The following SPINK5 variants were observed in gnomAD, a reference collection of about 807,000 sequenced individuals.
The protein encoded by SPINK5 is serine peptidase inhibitor Kazal type 5.
SPINK5 carries 125 observed loss-of-function variants against 151.8 expected under a neutral mutation model. The observed-to-expected ratio is 0.82, with a 90% CI of 0.71 to 0.96. SPINK5 has a LOEUF of 0.96. Ranked by LOEUF, SPINK5 falls within the 40% of genes least tolerant of loss-of-function variation. The probability of loss-of-function intolerance (pLI) is 0.00; values close to 1 mark genes in which losing one functional copy is unlikely to be tolerated. For synonymous variants in SPINK5, 374 were observed against 395.3 expected, an observed-to-expected ratio of 0.95 and a Z score of 0.64; for missense variants, 1,194 against 1,291.9, an observed-to-expected ratio of 0.92 and a Z score of 1.16.
chr5:148,090,845 G>T, intron 7 of SPINK5: 1 of 296,382 alleles, frequency 3.4e-6, no homozygotes, highest in East Asian at 6.9e-5. Flanking sequence ...GTCAATCAAG[G>T]TGTCACACCC....
rs1753512802 is a variant in SPINK5 at position 148,097,914 on chromosome 5, C to G, written c.930C>G (p.Phe310Leu). 2 of 1,612,294 alleles carry G rather than the reference C, an allele frequency of 1.2e-6. No homozygotes were observed. The highest frequency in any genetic ancestry group is 1.7e-6 in the Non-Finnish European group (2 of 1,178,774). Residue 310 changes from phenylalanine to leucine, a missense_variant, in exon 11 of 33, where the codon TTC becomes TTG. Phe to Leu is a conservative substitution (Grantham distance 22). Transcript: ENST00000256084. ...ATCAGGCAAAGAATGGAATACTTTTCTGTACCAGAGAAAATGACCCTATTC... is the reference window on the plus strand; with the variant it reads ...ATCAGGCAAAGAATGGAATACTTTTGTGTACCAGAGAAAATGACCCTATTC... ...YQNQAKNGIL[F>L]CTRENDPIRG...
At position 148,120,043 on chromosome 5, in the gene SPINK5, A is replaced by C; in HGVS notation, c.2348A>C (p.Asn783Thr). 6.2e-7 allele frequency: 1 copy of C among 1,614,062 alleles called. No homozygotes were observed. Among genetic ancestry groups the C allele is most frequent in the Non-Finnish European group, 8.5e-7 (1 of 1,179,906 alleles). The change falls in exon 25 of 33, where the codon AAT becomes ACT. Residue 783 changes from asparagine (N) to threonine (T), a missense_variant. Transcript: ENST00000256084. ...GATGAGTTTAGAAGCCAAATGAAAA[A>C]TGGAAAACTCATCTGCACTCGAGAA... ...TCDEFRSQMK[N>T]GKLICTRESD...
intron 20 of SPINK5, 68 bp from the exon 21 acceptor site, chr5:148,114,294 T>C (rs931533961): frequency 2.6e-6 from 4 of 1,549,694 alleles, no homozygotes; most frequent in Admixed American, 3.4e-5. Context: ...TATAAAGCAC[T>C]TAGTAGGAAC....
At chr5:148,118,627 A>G (rs1754166278) in intron 23 of SPINK5, 63 bp downstream of exon 23, 8 of 1,593,124 alleles carry the variant, frequency 5.0e-6, no homozygotes, top group South Asian at 1.1e-5. Context: ...ATGAATGGCT[A>G]TTTCTCATTT....
chr5:148,068,965 G>T (rs1171471177), intron 2 of SPINK5, among the ~76,000 whole-genome samples: 1 of 151,956 alleles, frequency 6.6e-6, no homozygotes, highest in Non-Finnish European at 1.5e-5. Flanking sequence ...CCTAGATGTG[G>T]TAGCATGCAC....
rs751998226 is a variant in SPINK5 at position 148,133,854 on chromosome 5, C to A, written c.3153C>A (p.Thr1051=). Residue 1051 remains threonine (T), a synonymous_variant, in exon 32 of 33, where the codon ACC becomes ACA. Transcript: ENST00000256084. The stretch of plus-strand genomic sequence containing the variant: ...CAGGGAAGTGTGAGGAGAGCAGCAC[C>A]CCAGGAACCACCGCAGCCAGCATGC... ...RSTGKCEESS[T]PGTTAASMPP... is the part of the protein sequence containing the mutation. 7.4e-6 allele frequency: 12 copies of A among 1,613,734 alleles called. No individual in the cohort carries two copies. The African/African-American group carries it at 1.6e-4, about 22-fold the overall frequency.
intron 7 of SPINK5, among the ~76,000 whole-genome samples, chr5:148,090,291 A>T (rs1030199294): frequency 1.3e-5 from 2 of 151,852 alleles, no homozygotes; most frequent in Non-Finnish European, 2.9e-5. Context: ...CAGGACAGAG[A>T]TTTAACTGAT....
At chr5:148,089,217 G>T in intron 6 of SPINK5, 1 of 528,422 alleles carries the variant, frequency 1.9e-6, no homozygotes, top group Non-Finnish European at 3.6e-6. Context: ...TATCACCTAG[G>T]AGATTGGGAG....
At chr5:148,096,146 G>A (rs971272414) in intron 10 of SPINK5, among the ~76,000 whole-genome samples, 1 of 151,940 alleles carries the variant, frequency 6.6e-6, no homozygotes, top group Non-Finnish European at 1.5e-5. Flanking sequence ...TAATAATGTA[G>A]TTTTGCACTC....
At chr5:148,088,717 C>A (rs1438510217) in intron 6 of SPINK5, 112 bp downstream of exon 6, 2 of 1,102,954 alleles carry the variant, frequency 1.8e-6, no homozygotes, top group Non-Finnish European at 2.7e-6. Context: ...TTAATTCTTG[C>A]TTTATGTGAA....
intron 16 of SPINK5, among the ~76,000 whole-genome samples, chr5:148,105,353 G>A (rs1753753842): frequency 6.6e-6 from 1 of 152,152 alleles, no homozygotes; most frequent in South Asian, 2.1e-4. Flanking sequence ...CAAATAGAGA[G>A]TATAAGATCT....
intron 21 of SPINK5, among the ~76,000 whole-genome samples, chr5:148,115,553 A>G (rs1754063416): frequency 6.6e-6 from 1 of 152,178 alleles, no homozygotes. Flanking sequence ...GTAGGCTAGA[A>G]GGCGAGTGGA....
At chr5:148,073,133 C>T (rs1752785069) in intron 4 of SPINK5, among the ~76,000 whole-genome samples, 1 of 151,940 alleles carries the variant, frequency 6.6e-6, no homozygotes, top group Non-Finnish European at 1.5e-5. Flanking sequence ...AACCACTACT[C>T]ACATCACCCC....
In SPINK5 at chr5:148,123,883, C is replaced by T; in HGVS notation, c.2589C>T (p.Cys863=). The T allele has an allele frequency of 6.2e-7, 1 of 1,614,018 alleles. No homozygotes were observed. The highest frequency in any genetic ancestry group is 8.5e-7 in the Non-Finnish European group (1 of 1,180,002). ...TGCAGAGAAATGGAAAGCTTATCTG[C>T]ACCAGAGAAAATAACCCTGTTCGAG... ...RSMQRNGKLI[C]TRENNPVRGP... Residue 863 remains cysteine (C), a synonymous_variant, in exon 27 of 33, where the codon TGC becomes TGT. Coordinates refer to ENST00000256084, the MANE Select transcript of SPINK5 (RefSeq NM_006846.4).
At position 148,120,718 on chromosome 5, in the gene SPINK5, G is replaced by A. The variant is rs569151470; in HGVS notation, c.2538+327G>A. Among the ~76,000 whole-genome samples, 21 of 152,184 alleles carry A rather than the reference G, an allele frequency of 1.4e-4. No individual in the cohort carries two copies. The East Asian group carries it at 3.9e-3, about 28-fold the overall frequency. Reference sequence around the variant, plus strand: ...AACTCCTGAGCTCAAGCAATTTGCCGGAGCTCAAGTCTCAGCCTCCCAAAG... The same window carrying A: ...AACTCCTGAGCTCAAGCAATTTGCCAGAGCTCAAGTCTCAGCCTCCCAAAG... On this transcript the variant is annotated intron_variant, in intron 26 of 32. Transcript: ENST00000256084.
intron 6 of SPINK5, chr5:148,089,222 T>A: frequency 1.9e-6 from 1 of 535,506 alleles, no homozygotes; most frequent in Non-Finnish European, 3.6e-6. Flanking sequence ...CCTAGGAGAT[T>A]GGGAGCAAGT....
chr5:148,122,916 A>T (rs2113205669), intron 26 of SPINK5, among the ~76,000 whole-genome samples: 1 of 142,722 alleles, frequency 7.0e-6, no homozygotes, highest in East Asian at 2.1e-4. Flanking sequence ...TGAAGCTGAA[A>T]GTTTACGTGT....
At chr5:148,086,604 T>C in intron 5 of SPINK5, 72 bp downstream of exon 5, 1 of 1,578,354 alleles carries the variant, frequency 6.3e-7, no homozygotes, top group Non-Finnish European at 8.6e-7. Context: ...CAATTTTCCC[T>C]ACAGTCTTTA....
At chr5:148,082,616 T>G (rs1444818393) in intron 4 of SPINK5, among the ~76,000 whole-genome samples, 8 of 46,108 alleles carry the variant, frequency 1.7e-4, no homozygotes, top group Non-Finnish European at 2.2e-4. Flanking sequence ...TTTTTTTTTT[T>G]TTTTTTTTTT....
Sources: allele counts gnomAD v4.1 joint callset (sites outside exome capture counted in the v4.1 genomes callset), GRCh38; gene constraint gnomAD v4.1.1; transcripts MANE v1.5; gene names NCBI Gene and HGNC (gene_info 2026-07-23, HGNC 2026-07-21).